Variants in FHIT observed in about 807,000 individuals in gnomAD.
The protein encoded by FHIT is bis(5'-adenosyl)-triphosphatase.
In FHIT, 19 loss-of-function variants were observed where a neutral mutation model predicts 17.9. That is an observed-to-expected ratio of 1.06 (90% CI 0.74 to 1.56). The LOEUF (loss-of-function observed/expected upper bound fraction) is 1.56. Among genes scored for constraint, FHIT ranks in the 40% most tolerant of loss-of-function variants. FHIT has a pLI of 0.00. For missense variants in FHIT, 248 were observed against 189.2 expected, an observed-to-expected ratio of 1.31 and a Z score of -1.82; for synonymous variants, 81 against 69.7, an observed-to-expected ratio of 1.16 and a Z score of -0.81.
At chr3:61,194,393 C>T (rs1005629230) in intron 2 of FHIT, among the ~76,000 whole-genome samples, 3 of 152,000 alleles carry the variant, frequency 2.0e-5, no homozygotes, top group African/African-American at 7.3e-5. Flanking sequence ...TGCTAAGGTA[C>T]CATACTTTGG....
chr3:60,027,490 T>C (rs1009029693), intron 5 of FHIT, among the ~76,000 whole-genome samples: 2 of 152,146 alleles, frequency 1.3e-5, no homozygotes, highest in Non-Finnish European at 2.9e-5. Context: ...TCACTGTCTT[T>C]ACCATCATCA....
chr3:60,585,161 A>G (rs782278286), intron 4 of FHIT, among the ~76,000 whole-genome samples: 1 of 152,038 alleles, frequency 6.6e-6, no homozygotes, highest in Non-Finnish European at 1.5e-5. Flanking sequence ...TAAATATGAC[A>G]ATAGTTCATG....
chr3:61,147,032 C>T (rs1439077306), intron 2 of FHIT, among the ~76,000 whole-genome samples: 3 of 152,088 alleles, frequency 2.0e-5, no homozygotes, highest in Admixed American at 6.5e-5. Context: ...TGACAGCTGC[C>T]TCTAATAAAG....
chr3:61,207,838 C>A (rs575409917), intron 1 of FHIT, among the ~76,000 whole-genome samples: 22 of 152,132 alleles, frequency 1.4e-4, no homozygotes, highest in East Asian at 9.7e-4. Context: ...CTCTGATTTT[C>A]ATTATTTCTT....
intron 4 of FHIT, among the ~76,000 whole-genome samples, chr3:60,654,071 ACT>A (rs148236711): frequency 0.011 from 1,678 of 150,110 alleles, 36 homozygotes; most frequent in African/African-American, 0.039. Flanking sequence ...TCGCTTCCCC[ACT>A]CTCTCTCCCT....
intron 4 of FHIT, among the ~76,000 whole-genome samples, chr3:60,709,798 A>G (rs1439744140): frequency 1.3e-5 from 2 of 152,210 alleles, no homozygotes; most frequent in African/African-American, 4.8e-5. Context: ...AGAAGCTTGA[A>G]TTTTATCACT....
chr3:60,008,236 G>A (rs1440244927), intron 7 of FHIT, among the ~76,000 whole-genome samples: 1 of 152,078 alleles, frequency 6.6e-6, no homozygotes, highest in Non-Finnish European at 1.5e-5. Flanking sequence ...GGATCTGTAT[G>A]GTTGAAGATG....
At chr3:60,079,531 C>A (rs7615432) in intron 5 of FHIT, among the ~76,000 whole-genome samples, 36,427 of 151,812 alleles carry the variant, frequency 0.24, 4,515 homozygotes, top group African/African-American at 0.3. Flanking sequence ...CTGCCCTTCT[C>A]TTTGTCCCTT....
At chr3:59,942,882 C>G (rs1706598881) in intron 7 of FHIT, among the ~76,000 whole-genome samples, 1 of 152,058 alleles carries the variant, frequency 6.6e-6, no homozygotes. Context: ...CTCCTGGGCT[C>G]AAGCAATCCT....
intron 3 of FHIT, among the ~76,000 whole-genome samples, chr3:60,841,592 T>G (rs1702725675): frequency 6.6e-6 from 1 of 152,218 alleles, no homozygotes; most frequent in Non-Finnish European, 1.5e-5. Flanking sequence ...GATATTTATT[T>G]TACTGTCAGA....
chr3:60,639,061 A>T (rs1226673763), intron 4 of FHIT, among the ~76,000 whole-genome samples: 1 of 147,478 alleles, frequency 6.8e-6, no homozygotes, highest in Non-Finnish European at 1.5e-5. Context: ...GGCATGCAAG[A>T]TTCAAGCATC....
intron 3 of FHIT, among the ~76,000 whole-genome samples, chr3:60,875,627 C>G (rs1704612558): frequency 6.6e-6 from 1 of 152,044 alleles, no homozygotes; most frequent in Admixed American, 6.6e-5. Flanking sequence ...TTGAAGGCAG[C>G]ATAATGGATA....
At chr3:60,536,763 G>T in intron 5 of FHIT, 97 bp downstream of exon 5, 2 of 1,294,904 alleles carry the variant, frequency 1.5e-6, no homozygotes, top group Non-Finnish European at 2.1e-6. Context: ...TTACCTTTTT[G>T]GACAGACTGG....
rs537113085 is a variant in FHIT, at chr3:60,426,347, G to C, written c.103+110513C>G. 5.9e-5 allele frequency among the ~76,000 whole-genome samples: 9 copies of C among 152,218 alleles called. No homozygotes were observed. The East Asian group carries it at 1.4e-3, about 23-fold the overall frequency. On this transcript the variant is annotated intron_variant, in intron 5 of 9. Transcript: ENST00000492590. ...CTCCATTGCTCTAAAGTCTCCCAAA[G>C]TCCTAGGACGGTTTAAGCAGTGACG...
intron 4 of FHIT, among the ~76,000 whole-genome samples, chr3:60,694,831 A>G (rs62251534): frequency 0.11 from 17,023 of 151,912 alleles, 2,064 homozygotes; most frequent in African/African-American, 0.3. Context: ...ACCAAACACC[A>G]CATGTTCTCA....
chr3:61,034,082 G>A (rs1385125886), intron 3 of FHIT, among the ~76,000 whole-genome samples: 1 of 152,110 alleles, frequency 6.6e-6, no homozygotes, highest in Non-Finnish European at 1.5e-5. Context: ...AATAAAGCTG[G>A]ACCCCTTCCT....
chr3:60,660,877 G>A (rs1553690943), intron 4 of FHIT, among the ~76,000 whole-genome samples: 1 of 150,280 alleles, frequency 6.7e-6, no homozygotes, highest in East Asian at 1.9e-4. Flanking sequence ...CTAGTTCTTT[G>A]TGTAATATGT....
chr3:60,436,079 G>A (rs1334547166), intron 5 of FHIT, among the ~76,000 whole-genome samples: 1 of 151,816 alleles, frequency 6.6e-6, no homozygotes, highest in Non-Finnish European at 1.5e-5. Context: ...GTTTCGCTCT[G>A]TCATCCAGAC....
At chr3:60,933,362 T>C (rs545782471) in intron 3 of FHIT, among the ~76,000 whole-genome samples, 166 of 152,358 alleles carry the variant, frequency 1.1e-3, no homozygotes, top group Non-Finnish European at 1.8e-3. Flanking sequence ...TAGTCCAACA[T>C]ATGCAAAATA....
Sources: allele counts gnomAD v4.1 joint callset (sites outside exome capture counted in the v4.1 genomes callset), GRCh38; gene constraint gnomAD v4.1.1; transcripts MANE v1.5; gene names NCBI Gene and HGNC (gene_info 2026-07-23, HGNC 2026-07-21).